ALLC: variants seen among roughly 807,000 people sequenced by gnomAD.
The protein encoded by ALLC is allantoicase, also known as probable inactive allantoicase.
A neutral mutation model predicts 45.0 loss-of-function variants in ALLC; 40 were observed. The observed-to-expected ratio is 0.89, with a 90% confidence interval of 0.69 to 1.16. The LOEUF is 1.16. Among genes scored for constraint, ALLC ranks in the 50% most tolerant of loss-of-function variants. ALLC has a pLI of 0.00. For missense variants in ALLC, 488 were observed against 493.1 expected (o/e 0.99, Z 0.10); for synonymous variants, 176 against 178.1 (o/e 0.99, Z 0.09).
intron 11 of ALLC, 54 bp from the exon 12 acceptor site, chr2:3,702,309 G>A (rs1558552008): frequency 2.0e-6 from 3 of 1,529,042 alleles, no homozygotes; most frequent in African/African-American, 1.4e-5. Context: ...GGGCTCATTC[G>A]GCCACACATG....
chr2:3,682,768 G>T (rs6714665), intron 6 of ALLC, among the ~76,000 whole-genome samples, 174 bp from the exon 7 acceptor site: 11 of 151,852 alleles, frequency 7.2e-5, no homozygotes, highest in Non-Finnish European at 1.5e-4. Context: ...CTTGTGATCC[G>T]CCCGCCTCGG....
intron 7 of ALLC, among the ~76,000 whole-genome samples, chr2:3,693,156 C>T (rs953427530): frequency 3.9e-5 from 6 of 152,114 alleles, no homozygotes; most frequent in Admixed American, 1.3e-4. Context: ...CTGAATTTTC[C>T]GTATGCCCTT....
chr2:3,690,989 T>C (rs2148016283), intron 7 of ALLC, among the ~76,000 whole-genome samples: 1 of 152,148 alleles, frequency 6.6e-6, no homozygotes, highest in African/African-American at 2.4e-5. Flanking sequence ...CTTTAGCATT[T>C]CATTTAAGAC....
At chr2:3,683,099 C>T (rs1667242309) in intron 7 of ALLC, 25 bp downstream of exon 7, 1 of 1,600,688 alleles carries the variant, frequency 6.2e-7, no homozygotes, top group Non-Finnish European at 8.5e-7. Context: ...GACTTATCAC[C>T]AGTTCCATGG....
rs532807968 is a variant in ALLC, at chr2:3,664,569, AATTC to A, written c.-63+6279_-63+6282del. Among the ~76,000 whole-genome samples, 453 of 152,216 alleles carry A rather than the reference AATTC, an allele frequency of 3.0e-3. 2 individuals are homozygous for A. Among genetic ancestry groups the A allele is most frequent in the African/African-American group, 9.8e-3 (406 of 41,536 alleles). ...ATGGAGAATTTTTCACCCCAAGTTA[AATTC>A]ATTTCTGCCAATTAAGGCAGATGTT... On this transcript the variant is annotated intron_variant, in intron 1 of 11. Transcript: ENST00000252505.
chr2:3,679,664 T>G (rs1385585838), intron 4 of ALLC, among the ~76,000 whole-genome samples: 1 of 152,128 alleles, frequency 6.6e-6, no homozygotes, highest in East Asian at 1.9e-4. Flanking sequence ...AACTGAGGAT[T>G]TTCGTTGGGG....
chr2:3,697,266 CT>C, intron 9 of ALLC, 81 bp from the exon 10 acceptor site: 9 of 1,021,100 alleles, frequency 8.8e-6, no homozygotes, highest in Non-Finnish European at 1.4e-5. Context: ...ACACGTCAAC[CT>C]TTTTCACCTG....
chr2:3,655,402 G>A (rs138299243), upstream of ALLC, among the ~76,000 whole-genome samples: 509 of 152,318 alleles, frequency 3.3e-3, 2 homozygotes, highest in Middle Eastern at 6.8e-3. Context: ...TTGTATGAGG[G>A]TGGGCAACAT....
Position 3,678,489 on chromosome 2 carries a change from G to A in ALLC, c.106G>A (p.Glu36Lys). Reference sequence around the variant, plus strand: ...CTAGAGTGACAGCCCGTGCTTCAAAGAGCATGAATATACGGAGTTTGGGAA... The same window carrying A: ...CTAGAGTGACAGCCCGTGCTTCAAAAAGCATGAATATACGGAGTTTGGGAA... ...LIKSDSPCFK[E>K]HEYTEFGKWM... The change falls in exon 4 of 12, where the codon GAG (glutamate) becomes AAG (lysine). Residue 36 changes from glutamate (E) to lysine (K), a missense_variant. Physicochemically the swap from Glu to Lys is moderately conservative, Grantham distance 56 (BLOSUM62 1). Coordinates refer to ENST00000252505, the MANE Select transcript of ALLC (RefSeq NM_018436.4). 1.2e-6 allele frequency: 2 copies of A among 1,614,030 alleles called. No individual in the cohort carries two copies. Among genetic ancestry groups the A allele is most frequent in the African/African-American group, 1.3e-5 (1 of 75,066 alleles).
At chr2:3,679,614 C>G (rs1039664350) in intron 4 of ALLC, among the ~76,000 whole-genome samples, 15 of 152,244 alleles carry the variant, frequency 9.9e-5, no homozygotes, top group African/African-American at 3.1e-4. Context: ...AGAATCAGGT[C>G]TTCCTGGATC....
chr2:3,684,496 C>A (rs1447348542), intron 7 of ALLC, among the ~76,000 whole-genome samples: 1 of 152,092 alleles, frequency 6.6e-6, no homozygotes, highest in African/African-American at 2.4e-5. Flanking sequence ...GTGGTGATTT[C>A]TGAGATTTTG....
chr2:3,674,270 G>A (rs1301747139), intron 3 of ALLC, 145 bp downstream of exon 3: 1 of 702,412 alleles, frequency 1.4e-6, no homozygotes, highest in Non-Finnish European at 2.5e-6. Context: ...AGAAAGACAT[G>A]CAAATCAGCA....
the ALLC span, among the ~76,000 whole-genome samples, chr2:3,649,541 C>A: frequency 5.3e-5 from 8 of 152,324 alleles, no homozygotes; most frequent in Non-Finnish European, 1.2e-4. Context: ...GCGCCCGGCC[C>A]CCAAACACTT....
chr2:3,660,056 C>A (rs6754703), intron 1 of ALLC, among the ~76,000 whole-genome samples: 22,232 of 152,182 alleles, frequency 0.15, 2,014 homozygotes, highest in African/African-American at 0.25. Context: ...CCTCATGGTG[C>A]AATCAGATCC....
intron 1 of ALLC, among the ~76,000 whole-genome samples, chr2:3,661,909 G>C (rs1666587098): frequency 6.6e-6 from 1 of 152,136 alleles, no homozygotes; most frequent in East Asian, 1.9e-4. Flanking sequence ...AGGTGGGCTG[G>C]GTTCCCCCTC....
At chr2:3,672,477 C>G (rs1572511765) in intron 2 of ALLC, among the ~76,000 whole-genome samples, 1 of 136,994 alleles carries the variant, frequency 7.3e-6, no homozygotes, top group Non-Finnish European at 1.6e-5. Context: ...TCCTCTGGCT[C>G]TAGTTAGATC....
chr2:3,698,418 G>T (rs951474746), intron 10 of ALLC, among the ~76,000 whole-genome samples: 6 of 152,180 alleles, frequency 3.9e-5, no homozygotes, highest in African/African-American at 1.4e-4. Context: ...CGGGATGGGA[G>T]GCACCTTTTT....
intron 1 of ALLC, among the ~76,000 whole-genome samples, chr2:3,664,914 C>A (rs567452101): frequency 5.3e-5 from 8 of 151,432 alleles, no homozygotes; most frequent in African/African-American, 9.7e-5. Context: ...AAACCCCCCC[C>A]CAAACCAGAT....
In ALLC at chr2:3,680,951, CTT is replaced by C. The variant is rs1280827183; in HGVS notation, c.299-681_299-680del. Among the ~76,000 whole-genome samples the C allele has an allele frequency of 6.6e-6, 1 of 151,904 alleles. No homozygotes were observed. Among genetic ancestry groups the C allele is most frequent in the Non-Finnish European group, 1.5e-5 (1 of 67,984 alleles). Reference sequence around the variant, plus strand: ...CCACAGACTTTCTGTATTTTTATTCCTTTGTTACCATCTGATGTTGACTTTAG... The same window carrying C: ...CCACAGACTTTCTGTATTTTTATTCCTGTTACCATCTGATGTTGACTTTAG... On this transcript the variant is annotated intron_variant, in intron 5 of 11. Coordinates refer to ENST00000252505, the MANE Select transcript of ALLC (RefSeq NM_018436.4). This position sits in a 1 kb window ranked among gnomAD's most constrained non-coding sequence, Gnocchi z 4.0.
Sources: gnomAD v4.1 joint callset for allele counts (sites outside exome capture counted in the v4.1 genomes callset) on GRCh38, gnomAD v4.1.1 for gene constraint, Gnocchi (gnomAD v3.1) non-coding constraint, MANE v1.5 for transcripts, NCBI Gene and HGNC (gene_info 2026-07-23, HGNC 2026-07-21) for gene names.